Variants in CNDP1 observed in about 807,000 individuals in gnomAD.
CNDP1 encodes the protein beta-Ala-His dipeptidase.
CNDP1 carries 44 observed loss-of-function variants against 58.1 expected under a neutral mutation model. The observed-to-expected ratio is 0.76, with a 90% CI of 0.60 to 0.97. CNDP1 has a LOEUF of 0.97. Among genes scored for constraint, CNDP1 ranks in the 50% least tolerant of loss-of-function variants. CNDP1 has a pLI of 0.00. For synonymous variants in CNDP1, 254 were observed against 252.6 expected (o/e 1.01, Z -0.05); for missense variants, 616 against 655.1 (o/e 0.94, Z 0.65).
intron 1 of CNDP1, among the ~76,000 whole-genome samples, chr18:74,552,583 A>T (rs1342421171): frequency 6.6e-6 from 1 of 152,252 alleles, no homozygotes; most frequent in Non-Finnish European, 1.5e-5. Flanking sequence ...TGTAGCATGT[A>T]CCAGTACTTC....
chr18:74,578,961 A>G (rs1981704540), intron 9 of CNDP1, among the ~76,000 whole-genome samples: 1 of 152,210 alleles, frequency 6.6e-6, no homozygotes, highest in South Asian at 2.1e-4. Context: ...AACAGAAAGT[A>G]GACTCTTGAA....
At chr18:74,580,376 T>C in intron 10 of CNDP1, 105 bp downstream of exon 10, 1 of 1,160,446 alleles carries the variant, frequency 8.6e-7, no homozygotes, top group South Asian at 1.4e-5. Flanking sequence ...AGAAATCAAC[T>C]CTCCTTTTAA....
intron 11 of CNDP1, 91 bp from the exon 12 acceptor site, chr18:74,584,405 C>G (rs1278806955): frequency 7.9e-6 from 7 of 882,354 alleles, no homozygotes; most frequent in Non-Finnish European, 1.3e-5. Flanking sequence ...TTTATAACAT[C>G]AAATCTTCCT....
Position 74,563,023 on chromosome 18 carries a change from A to C in CNDP1, c.555+888A>C, listed in dbSNP as rs531306982. Among the ~76,000 whole-genome samples the C allele has an allele frequency of 2.6e-5, 4 of 152,138 alleles. No individual in the cohort carries two copies. The South Asian group carries it at 8.3e-4, about 32-fold the overall frequency. ...CCGCCTCAGCCCTGTCCAAGGCTGC[A>C]AGGCTCTGAGGGCTGAGGGGCCTCC... On this transcript the variant is annotated intron_variant, in intron 5 of 11. Transcript: ENST00000358821.
rs757771345 is a variant in CNDP1 at position 74,556,854 on chromosome 18, G to A, written c.153+388G>A. ...GAGCTCTGCAAAGTTCAACAGCAGC[G>A]TTGTTTGTTTTGTAGCATGTGTGCA... On this transcript the variant is annotated intron_variant, in intron 2 of 11. Transcript: ENST00000358821. 7.9e-5 allele frequency among the ~76,000 whole-genome samples: 12 copies of A among 152,336 alleles called. No individual in the cohort carries two copies. The South Asian group carries it at 8.3e-4, about 11-fold the overall frequency.
At chr18:74,538,157 G>T (rs1186465733) in intron 1 of CNDP1, among the ~76,000 whole-genome samples, 1 of 152,152 alleles carries the variant, frequency 6.6e-6, no homozygotes, top group Non-Finnish European at 1.5e-5. Context: ...ACCTCAGAAA[G>T]AAACCCATAC....
chr18:74,564,745 G>A (rs1981284877), intron 5 of CNDP1, among the ~76,000 whole-genome samples: 1 of 152,270 alleles, frequency 6.6e-6, no homozygotes, highest in East Asian at 1.9e-4. Flanking sequence ...AAATTGGCAG[G>A]ACATGTTGGA....
Position 74,561,987 on chromosome 18 carries a change from T to G in CNDP1, c.467-60T>G. On this transcript the variant is annotated intron_variant, in intron 4 of 11. Transcript: ENST00000358821. ...CAGTACCCATGAAACGACATTGGTT[T>G]TTAACTCACATGGCAGAGGTGTCCA... 3 of 1,447,846 alleles carry G rather than the reference T, an allele frequency of 2.1e-6. No individual in the cohort carries two copies. In the South Asian group the frequency reaches 3.4e-5, roughly 17 times the overall value. The allele number at this position is 1,447,846 out of a possible 1,614,324, so 89.7% of individuals were successfully genotyped here. A position where few individuals can be genotyped will look rare whatever the true frequency, so the allele number is the denominator to read the frequency against.
chr18:74,542,308 G>A (rs17817077), intron 1 of CNDP1, among the ~76,000 whole-genome samples: 45,116 of 152,200 alleles, frequency 0.3, 7,757 homozygotes, highest in Middle Eastern at 0.4. Flanking sequence ...GGTTATCCAG[G>A]ATACAAACAT....
At chr18:74,537,170 T>C (rs1980505948) in intron 1 of CNDP1, among the ~76,000 whole-genome samples, 1 of 152,252 alleles carries the variant, frequency 6.6e-6, no homozygotes, top group Admixed American at 6.5e-5. Flanking sequence ...TTGCTTTTGT[T>C]GCAATTGCTT....
intron 4 of CNDP1, 33 bp from the exon 5 acceptor site, chr18:74,562,014 A>T: frequency 6.3e-7 from 1 of 1,592,006 alleles, no homozygotes; most frequent in Non-Finnish European, 8.6e-7. Context: ...AGGTGTCCAC[A>T]CTTCTCTGAA....
At chr18:74,581,808 C>T (rs1981797734) in intron 10 of CNDP1, among the ~76,000 whole-genome samples, 1 of 152,212 alleles carries the variant, frequency 6.6e-6, no homozygotes, top group Non-Finnish European at 1.5e-5. Context: ...CTTCCCAAAG[C>T]AGGGGGTTCT....
At chr18:74,568,264 C>T (rs762200214) in intron 6 of CNDP1, among the ~76,000 whole-genome samples, 24 of 152,230 alleles carry the variant, frequency 1.6e-4, no homozygotes, top group South Asian at 6.2e-4. Context: ...CATGGCTATG[C>T]GTGTGAAAAA....
chr18:74,569,061 G>T (rs972250731), intron 6 of CNDP1, among the ~76,000 whole-genome samples: 1 of 152,158 alleles, frequency 6.6e-6, no homozygotes, highest in African/African-American at 2.4e-5. Context: ...AGGGACTGAC[G>T]TCTTAATGAA....
intron 1 of CNDP1, among the ~76,000 whole-genome samples, chr18:74,539,655 G>A (rs141868369): frequency 1.7e-4 from 26 of 152,368 alleles, no homozygotes; most frequent in South Asian, 4.1e-4. Context: ...GATCAGTGGC[G>A]TTATTGCAAG....
chr18:74,572,790 C>CAAAAAAAAAAAAAAAAAAAAAAAAAAAA (rs56059264), intron 7 of CNDP1, among the ~76,000 whole-genome samples: 1 of 60,068 alleles, frequency 1.7e-5, no homozygotes, highest in African/African-American at 7.1e-5. Flanking sequence ...GACCCTGTAT[C>CAAAAAAAAAAAAAAAAAAAAAAAAAAAA]AAAAAAAAAA....
intron 1 of CNDP1, among the ~76,000 whole-genome samples, chr18:74,540,829 A>C (rs17238285): frequency 0.11 from 16,805 of 152,212 alleles, 962 homozygotes; most frequent in Middle Eastern, 0.17. Context: ...GTAAACGTGA[A>C]CTTACTGCAG....
rs1465402653 is a variant in CNDP1 at position 74,545,051 on chromosome 18, G to A, written c.24+10360G>A. Among the ~76,000 whole-genome samples the A allele has an allele frequency of 2.0e-5, 3 of 152,178 alleles. No individual in the cohort carries two copies. Among genetic ancestry groups the A allele is most frequent in the Admixed American group, 6.5e-5 (1 of 15,282 alleles). ...GCCAACACCAGAAGCTGGAGGGGCA[G>A]GAAGGACCCTCCCCTAGAGCCTGCA... On this transcript the variant is annotated intron_variant, in intron 1 of 11. Coordinates refer to ENST00000358821, the MANE Select transcript of CNDP1 (RefSeq NM_032649.6). The surrounding 1 kb of genome is among the most constrained non-coding windows in gnomAD (Gnocchi z 4.1).
intron 4 of CNDP1, chr18:74,561,708 G>A (rs7231312): frequency 0.21 from 46,113 of 220,100 alleles, 6,057 homozygotes; most frequent in African/African-American, 0.38. Flanking sequence ...GCTATGCCAC[G>A]TGGCACTCTG....
Sources: gnomAD v4.1 joint callset for allele counts (sites outside exome capture counted in the v4.1 genomes callset) on GRCh38, gnomAD v4.1.1 for gene constraint, Gnocchi (gnomAD v3.1) non-coding constraint, MANE v1.5 for transcripts, NCBI Gene and HGNC (gene_info 2026-07-23, HGNC 2026-07-21) for gene names.